The following ACOT11 variants were observed in gnomAD, a reference collection of about 807,000 sequenced individuals.
The protein encoded by ACOT11 is acyl-coenzyme A thioesterase 11.
Under a neutral mutation model 77.5 loss-of-function variants are expected in ACOT11, and 69 were observed. The ratio of observed to expected loss-of-function variants is 0.89; its 90% CI spans 0.73 to 1.09. The LOEUF is 1.09. Ranked by LOEUF, ACOT11 falls within the 50% of genes least tolerant of loss-of-function variation. The pLI is 0.00. For missense variants in ACOT11, 766 were observed against 813.7 expected (o/e 0.94, Z 0.71); for synonymous variants, 279 against 313.0 (o/e 0.89, Z 1.15).
intron 15 of ACOT11, among the ~76,000 whole-genome samples, chr1:54,622,335 C>A (rs900356567): frequency 7.1e-6 from 1 of 140,634 alleles, no homozygotes; most frequent in Admixed American, 7.3e-5. Context: ...AATCCCAGAA[C>A]TTTGGGAGGC....
chr1:54,625,913 T>G (rs1644269332), intron 15 of ACOT11, among the ~76,000 whole-genome samples: 2 of 136,630 alleles, frequency 1.5e-5, no homozygotes, highest in South Asian at 4.5e-4. Flanking sequence ...CACTCCAGCC[T>G]GGGCAACAAG....
chr1:54,618,960 A>G (rs12750021), intron 15 of ACOT11, among the ~76,000 whole-genome samples: 146 of 152,320 alleles, frequency 9.6e-4, no homozygotes, highest in Admixed American at 2.1e-3. Flanking sequence ...GTAAGGGGCC[A>G]TCTGGTATAT....
At chr1:54,596,683 C>T (rs1322327119) in intron 6 of ACOT11, among the ~76,000 whole-genome samples, 2 of 152,144 alleles carry the variant, frequency 1.3e-5, no homozygotes, top group Non-Finnish European at 2.9e-5. Flanking sequence ...AAGTGATTCT[C>T]GTGGCTCAGC....
chr1:54,611,640 A>G (rs1489221862), downstream of ACOT11: 1 of 1,613,880 alleles, frequency 6.2e-7, no homozygotes, highest in African/African-American at 1.3e-5. Flanking sequence ...GGAGAGGCTC[A>G]AAGATGTCAT....
At chr1:54,573,073 G>A (rs554456973) in intron 1 of ACOT11, 1 of 985,478 alleles carries the variant, frequency 1.0e-6, no homozygotes, top group East Asian at 1.1e-4. Flanking sequence ...CTCCTGCAGA[G>A]GACATAAGGG....
At chr1:54,554,321 GTGTGTGTGTGTGTA>G (rs1343425493) in intron 1 of ACOT11, among the ~76,000 whole-genome samples, 3 of 81,262 alleles carry the variant, frequency 3.7e-5, no homozygotes, top group Non-Finnish European at 8.3e-5. Flanking sequence ...GTGTGTGTGT[GTGTGTGTGTGTGTA>G]TATATATATA....
intron 16 of ACOT11, among the ~76,000 whole-genome samples, chr1:54,632,418 G>A (rs891431365): frequency 6.6e-6 from 1 of 152,180 alleles, no homozygotes; most frequent in African/African-American, 2.4e-5. Context: ...GGGTACAATA[G>A]GATTACTTTT....
chr1:54,559,590 T>G (rs1653394729), intron 1 of ACOT11, among the ~76,000 whole-genome samples: 1 of 146,108 alleles, frequency 6.8e-6, no homozygotes, highest in Non-Finnish European at 1.5e-5. Flanking sequence ...GGTGAATAGT[T>G]TTCTTTTTTT....
At chr1:54,602,152 TAA>T (rs1476045835) in intron 9 of ACOT11, among the ~76,000 whole-genome samples, 1 of 152,168 alleles carries the variant, frequency 6.6e-6, no homozygotes, top group Non-Finnish European at 1.5e-5. Flanking sequence ...GATGTGGCGG[TAA>T]AGAGGGTGGG....
At chr1:54,624,442 G>A (rs1644259429) in intron 15 of ACOT11, among the ~76,000 whole-genome samples, 1 of 152,114 alleles carries the variant, frequency 6.6e-6, no homozygotes, top group Non-Finnish European at 1.5e-5. Flanking sequence ...TTCCTGCCTC[G>A]GCCTTCCCGA....
intron 1 of ACOT11, among the ~76,000 whole-genome samples, chr1:54,569,225 G>A (rs1488298560): frequency 1.3e-5 from 2 of 151,520 alleles, no homozygotes; most frequent in Non-Finnish European, 2.9e-5. Context: ...GCCTCCCAAA[G>A]TGCTGGGATT....
chr1:54,612,089 G>A (rs1376293499), downstream of ACOT11, among the ~76,000 whole-genome samples: 1 of 149,816 alleles, frequency 6.7e-6, no homozygotes, highest in Non-Finnish European at 1.5e-5. Context: ...GGCAGCTTTG[G>A]GAGTCCTATG....
rs763124389 is a variant in ACOT11, at chr1:54,584,741, A to G, written c.120A>G (p.Gly40=). The G allele has an allele frequency of 1.2e-6, 2 of 1,614,100 alleles. No individual in the cohort carries two copies. The highest frequency in any genetic ancestry group is 3.3e-5 in the Admixed American group (2 of 60,014). The part of the protein sequence containing the change: ...GNDSAMADGE[G]YRNPTEVQMS... The stretch of plus-strand genomic sequence containing the variant: ...ACAGTGCCATGGCAGACGGCGAGGG[A>G]TACCGGAACCCCACGGAGGTGCAGA... Residue 40 remains glycine (G), a synonymous_variant, in exon 2 of 16, where the codon GGA becomes GGG. Coordinates refer to ENST00000343744, the MANE Select transcript of ACOT11 (RefSeq NM_147161.4). This position sits in a 1 kb window ranked among gnomAD's most constrained non-coding sequence, Gnocchi z 6.3.
chr1:54,585,941 C>G, intron 3 of ACOT11, 37 bp downstream of exon 3: 1 of 1,606,580 alleles, frequency 6.2e-7, no homozygotes, highest in Non-Finnish European at 8.5e-7. Flanking sequence ...CCTCTGGGCT[C>G]CCTCCCATCA....
chr1:54,548,370 A>G, intron 1 of ACOT11, 28 bp downstream of exon 1: 1 of 1,595,232 alleles, frequency 6.3e-7, no homozygotes, highest in East Asian at 2.3e-5. Context: ...GGGCAGCGGG[A>G]GGGCTCTGGA....
At chr1:54,562,093 GA>G (rs1253354468) in intron 1 of ACOT11, among the ~76,000 whole-genome samples, 1 of 42,940 alleles carries the variant, frequency 2.3e-5, no homozygotes, top group Non-Finnish European at 4.5e-5. Context: ...GCGGGGGGCT[GA>G]CCCCCCCAAC....
intron 1 of ACOT11, among the ~76,000 whole-genome samples, chr1:54,555,994 C>T (rs149760050): frequency 0.011 from 1,647 of 152,244 alleles, 22 homozygotes; most frequent in African/African-American, 0.033. Flanking sequence ...GTGATCCACC[C>T]GCCTCAGTCT....
At chr1:54,554,351 A>ATATATATT in intron 1 of ACOT11, among the ~76,000 whole-genome samples, 1 of 97,254 alleles carries the variant, frequency 1.0e-5, no homozygotes, top group East Asian at 2.9e-4. Context: ...ATATATATAT[A>ATATATATT]TTTTTTTTTT....
intron 1 of ACOT11, among the ~76,000 whole-genome samples, chr1:54,555,084 A>G (rs1165169747): frequency 6.6e-6 from 1 of 152,042 alleles, no homozygotes; most frequent in Non-Finnish European, 1.5e-5. Context: ...TCAGCCTCCC[A>G]AATAGCTGGG....
Sources: allele counts gnomAD v4.1 joint callset (sites outside exome capture counted in the v4.1 genomes callset), GRCh38; gene constraint gnomAD v4.1.1; non-coding constraint Gnocchi (gnomAD v3.1); transcripts MANE v1.5; gene names NCBI Gene and HGNC (gene_info 2026-07-23, HGNC 2026-07-21).